Variants in NAV3 observed in about 807,000 individuals in gnomAD.
NAV3 encodes the protein neuron navigator 3, also known as pore membrane and/or filament interacting like protein 1.
Under a neutral mutation model 244.7 loss-of-function variants are expected in NAV3, and 87 were observed. The observed-to-expected ratio is 0.36, with a 90% CI of 0.30 to 0.42. The LOEUF (loss-of-function observed/expected upper bound fraction) is 0.42, where lower values mean the gene tolerates loss of function less well. Ranked by LOEUF, NAV3 falls within the 20% of genes least tolerant of loss-of-function variation. The pLI, the probability that NAV3 is intolerant of heterozygous loss-of-function variation, is 1.00. For synonymous variants in NAV3, 1,126 were observed against 1,042.2 expected (o/e 1.08, Z -1.55); for missense variants, 2,663 against 2,893.3 (o/e 0.92, Z 1.83).
Position 77,619,823 on chromosome 12 carries a change from A to T in NAV3, c.72+47557A>T, listed in dbSNP as rs148164201. ...ATTCTCAAAATGACTTTGGAGTGAA[A>T]GTAATTATTTTAGGGAGAGGGAAAT... On this transcript the variant is annotated intron_variant, in intron 2 of 8. Transcript: ENST00000550042. Among the ~76,000 whole-genome samples, 44 of 152,088 alleles carry T rather than the reference A, an allele frequency of 2.9e-4. 1 individual carries two copies. In the East Asian group the frequency reaches 8.1e-3, roughly 28 times the overall value.
intron 2 of NAV3, among the ~76,000 whole-genome samples, chr12:77,803,155 G>A (rs1179961379): frequency 6.6e-6 from 1 of 152,008 alleles, no homozygotes; most frequent in Non-Finnish European, 1.5e-5. Context: ...TTGTTACATA[G>A]GTATTCACAT....
At chr12:78,057,316 TA>T (rs1267441351) in intron 11 of NAV3, among the ~76,000 whole-genome samples, 1 of 152,064 alleles carries the variant, frequency 6.6e-6, no homozygotes, top group East Asian at 1.9e-4. Context: ...TTCTGTGGAG[TA>T]AAAATTAAAA....
At chr12:77,840,044 G>T (rs1875362081) in intron 1 of NAV3, among the ~76,000 whole-genome samples, 1 of 152,164 alleles carries the variant, frequency 6.6e-6, no homozygotes, top group South Asian at 2.1e-4. Flanking sequence ...CTGTACTCCA[G>T]CCTGGGGGAT....
At chr12:77,903,800 A>C (rs1346046999) in intron 1 of NAV3, among the ~76,000 whole-genome samples, 1 of 152,222 alleles carries the variant, frequency 6.6e-6, no homozygotes, top group African/African-American at 2.4e-5. Flanking sequence ...ATTTACAAGA[A>C]AGAAACAAAC....
chr12:78,199,590 G>A (rs960479421), intron 37 of NAV3, 59 bp downstream of exon 37: 12 of 1,235,974 alleles, frequency 9.7e-6, no homozygotes, highest in South Asian at 1.7e-5. Context: ...TGGTAAAGAC[G>A]GCCAGATTGG....
intron 2 of NAV3, among the ~76,000 whole-genome samples, chr12:77,766,484 A>G (rs1216484143): frequency 6.6e-6 from 1 of 152,164 alleles, no homozygotes; most frequent in South Asian, 2.1e-4. Context: ...ACATTCATCA[A>G]CTTGCTGTCT....
chr12:77,689,748 A>G (rs990134665), intron 2 of NAV3, among the ~76,000 whole-genome samples: 2 of 151,872 alleles, frequency 1.3e-5, no homozygotes, highest in Admixed American at 1.3e-4. Flanking sequence ...TTTCATTTTT[A>G]GGTATTTTTA....
At chr12:77,749,944 G>C (rs577746216) in intron 2 of NAV3, among the ~76,000 whole-genome samples, 41 of 152,350 alleles carry the variant, frequency 2.7e-4, no homozygotes, top group African/African-American at 9.9e-4. Context: ...CCCCTGGGAA[G>C]TCATGGGCAG....
rs1955569380 is a variant in NAV3 at position 78,119,435 on chromosome 12, C to A, written c.3239C>A (p.Thr1080Asn). The A allele has an allele frequency of 6.2e-7, 1 of 1,614,142 alleles. No individual in the cohort carries two copies. Among genetic ancestry groups the A allele is most frequent in the South Asian group, 1.1e-5 (1 of 91,084 alleles). ...GGAGTAGGGTCATCTGCCATGATCA[C>A]CAGCAGTGGAGCAACCATAACAAGT... The part of the protein sequence containing the change: ...PSGVGSSAMI[T>N]SSGATITSGS... The change falls in exon 15 of 40, where the codon ACC becomes AAC. Residue 1080 changes from threonine to asparagine, a missense_variant. Physicochemically the swap from Thr to Asn is moderately conservative, Grantham distance 65. Around this residue, in one of 6 missense-constraint regions of NAV3, gnomAD observed 1,521 missense variants for 1,497.0 expected, o/e 1.02. Coordinates refer to ENST00000397909, the MANE Select transcript of NAV3 (RefSeq NM_001024383.2).
rs138549525 is a variant in NAV3, at chr12:78,017,238, A to T, written c.1908-4509A>T. 8.2e-4 allele frequency among the ~76,000 whole-genome samples: 125 copies of T among 152,274 alleles called. 1 individual carries two copies. Among genetic ancestry groups the T allele is most frequent in the African/African-American group, 3.0e-3 (123 of 41,564 alleles). On this transcript the variant is annotated intron_variant, in intron 8 of 39. Transcript: ENST00000397909. ...AAAAACAGGTAATAGCTCTCATGGTAATCACTGGTATCATGACTTTTAATT... is the reference window on the plus strand; with the variant it reads ...AAAAACAGGTAATAGCTCTCATGGTTATCACTGGTATCATGACTTTTAATT...
At chr12:78,108,321 C>A (rs555142154) in intron 12 of NAV3, among the ~76,000 whole-genome samples, 1 of 151,994 alleles carries the variant, frequency 6.6e-6, no homozygotes, top group African/African-American at 2.4e-5. Flanking sequence ...AAATATTAGA[C>A]CTAAAGAGAG....
At chr12:77,843,265 G>T (rs1876009443) in intron 1 of NAV3, among the ~76,000 whole-genome samples, 1 of 151,812 alleles carries the variant, frequency 6.6e-6, no homozygotes, top group Non-Finnish European at 1.5e-5. Context: ...CTCAGCTATT[G>T]TCTTCTGATT....
intron 1 of NAV3, among the ~76,000 whole-genome samples, chr12:77,925,771 T>A (rs1032659393): frequency 3.5e-4 from 53 of 152,290 alleles, no homozygotes; most frequent in African/African-American, 1.1e-3. Flanking sequence ...AGAAAGCTGA[T>A]ACATAATTGT....
intron 2 of NAV3, among the ~76,000 whole-genome samples, chr12:77,772,132 G>A (rs1243578823): frequency 6.6e-6 from 1 of 152,094 alleles, no homozygotes; most frequent in Admixed American, 6.5e-5. Flanking sequence ...TTATAGATGA[G>A]GGTACTGGGG....
At chr12:77,925,086 G>A (rs1888062098) in intron 1 of NAV3, among the ~76,000 whole-genome samples, 1 of 152,166 alleles carries the variant, frequency 6.6e-6, no homozygotes, top group South Asian at 2.1e-4. Flanking sequence ...TTTGAAGGGT[G>A]GGGGAATGAT....
chr12:78,194,416 G>A (rs1383776475), intron 34 of NAV3, among the ~76,000 whole-genome samples: 1 of 151,754 alleles, frequency 6.6e-6, no homozygotes, highest in Non-Finnish European at 1.5e-5. Flanking sequence ...TCACCTCATG[G>A]AACATAGAAT....
intron 1 of NAV3, among the ~76,000 whole-genome samples, chr12:77,905,207 G>A (rs1885837852): frequency 6.6e-6 from 1 of 152,022 alleles, no homozygotes; most frequent in African/African-American, 2.4e-5. Context: ...ATGAATAGAT[G>A]TATTAAAATT....
rs758819029 is a variant in NAV3 at position 78,210,527 on chromosome 12, AAAGTT to A, written c.*14_*18del. The A allele has an allele frequency of 6.2e-7, 1 of 1,608,516 alleles. No individual in the cohort carries two copies. The highest frequency in any genetic ancestry group is 8.5e-7 in the Non-Finnish European group (1 of 1,178,356). On this transcript the variant is annotated 3_prime_UTR_variant, in exon 40 of 40. Coordinates refer to ENST00000397909, the MANE Select transcript of NAV3 (RefSeq NM_001024383.2). ...TGAATCTACCCTCTAGAGGGTGAAA[AAAGTT>A]AAGGGAAAAGACTTTGCTTTTAAAA...
intron 2 of NAV3, among the ~76,000 whole-genome samples, chr12:77,822,873 C>T (rs573481427): frequency 2.9e-4 from 44 of 152,078 alleles, no homozygotes; most frequent in South Asian, 1.0e-3. Context: ...TGATAATGCA[C>T]AATACAATTT....
Sources: gnomAD v4.1 joint callset for allele counts (sites outside exome capture counted in the v4.1 genomes callset) on GRCh38, gnomAD v4.1.1 for gene constraint, gnomAD v4.1.1 regional missense constraint, MANE v1.5 for transcripts, NCBI Gene and HGNC (gene_info 2026-07-23, HGNC 2026-07-21) for gene names.